Variants in ARMC9 observed in about 807,000 individuals in gnomAD.
ARMC9 encodes the protein armadillo repeat containing 9, also known as lisH domain-containing protein ARMC9.
Under a neutral mutation model 107.0 loss-of-function variants are expected in ARMC9, and 94 were observed. That is an observed-to-expected ratio of 0.88 (90% CI 0.74 to 1.04). The LOEUF is 1.04. ARMC9 is among the 50% of genes least tolerant of loss of function. The pLI is 0.00. For synonymous variants in ARMC9, 380 were observed against 396.9 expected (o/e 0.96, Z 0.51); for missense variants, 942 against 1,030.1 (o/e 0.91, Z 1.17).
rs201588911 is a variant in ARMC9 at position 231,218,757 on chromosome 2, G to GTTT, written c.504+1973_504+1975dup. ...GTATACATAATCAAGTCAGTCTTTT[G>GTTT]TTTTTTTTTTTGAGATGGAGTTTCA... On this transcript the variant is annotated intron_variant, in intron 5 of 24. Coordinates refer to ENST00000611582, the MANE Select transcript of ARMC9 (RefSeq NM_001352754.2). Among the ~76,000 whole-genome samples the GTTT allele has an allele frequency of 2.6e-3, 377 of 145,010 alleles. 4 individuals are homozygous for GTTT. Among genetic ancestry groups the GTTT allele is most frequent in the African/African-American group, 9.0e-3 (360 of 39,802 alleles).
At chr2:231,328,107 T>A (rs1195457576) in intron 19 of ARMC9, among the ~76,000 whole-genome samples, 1 of 152,214 alleles carries the variant, frequency 6.6e-6, no homozygotes, top group African/African-American at 2.4e-5. Flanking sequence ...CTAATAGGCA[T>A]GTAGTGATAT....
chr2:231,218,003 T>A (rs1295117032), intron 5 of ARMC9, among the ~76,000 whole-genome samples: 11 of 150,996 alleles, frequency 7.3e-5, no homozygotes, highest in African/African-American at 2.2e-4. Context: ...TGTTTGTTTT[T>A]TGGAGACAGA....
At chr2:231,219,770 T>C (rs1330197157) in intron 5 of ARMC9, among the ~76,000 whole-genome samples, 1 of 151,696 alleles carries the variant, frequency 6.6e-6, no homozygotes, top group African/African-American at 2.4e-5. Context: ...TATTATATTC[T>C]CCATGTCTTT....
chr2:231,366,870 A>G (rs866218583), intron 23 of ARMC9, among the ~76,000 whole-genome samples: 1 of 149,644 alleles, frequency 6.7e-6, no homozygotes. Context: ...TTTTTTTTTG[A>G]GACGGAGTCT....
At chr2:231,209,621 C>T (rs746497498) in intron 3 of ARMC9, among the ~76,000 whole-genome samples, 5 of 152,000 alleles carry the variant, frequency 3.3e-5, no homozygotes, top group African/African-American at 7.2e-5. Flanking sequence ...CTGCAACCCC[C>T]GCCTCCTGGG....
At position 231,216,628 on chromosome 2, in the gene ARMC9, C is replaced by A; in HGVS notation, c.349-10C>A. 1 of 1,611,782 alleles carries A rather than the reference C, an allele frequency of 6.2e-7. No homozygotes were observed. Among genetic ancestry groups the A allele is most frequent in the South Asian group, 1.1e-5 (1 of 90,718 alleles). ...TGGAGACCTCAAACAAGTGTTTTCC[C>A]TTCTTCTAGGACAAAGAGGAGCTGG... On this transcript the variant is annotated splice_polypyrimidine_tract_variant and intron_variant, in intron 4 of 24. Coordinates refer to ENST00000611582, the MANE Select transcript of ARMC9 (RefSeq NM_001352754.2).
intron 17 of ARMC9, among the ~76,000 whole-genome samples, chr2:231,285,143 A>T (rs1314794282): frequency 6.6e-6 from 1 of 152,016 alleles, no homozygotes; most frequent in Non-Finnish European, 1.5e-5. Flanking sequence ...GGTTGCAGTG[A>T]GCCAAGATCA....
intron 19 of ARMC9, among the ~76,000 whole-genome samples, chr2:231,317,558 T>C (rs1157302952): frequency 6.6e-6 from 1 of 151,894 alleles, no homozygotes; most frequent in Non-Finnish European, 1.5e-5. Context: ...ATTTGAGTAG[T>C]GTATAACCAT....
rs1457526760 is a variant in ARMC9 at position 231,372,492 on chromosome 2, C to T, written c.*957C>T. 7 of 152,310 alleles carry T rather than the reference C, an allele frequency of 4.6e-5. No homozygotes were observed. The highest frequency in any genetic ancestry group is 1.7e-4 in the African/African-American group (7 of 41,452). 9.4% of individuals were successfully genotyped at this position (152,310 alleles called of 1,614,324 possible). On this transcript the variant is annotated 3_prime_UTR_variant, in exon 25 of 25. Transcript: ENST00000611582. Reference sequence around the variant, plus strand: ...ACCAGGGAGCACCCTCTGCCTCCCTCCCTGCACTGGGACCATAAACATAAA... The same window carrying T: ...ACCAGGGAGCACCCTCTGCCTCCCTTCCTGCACTGGGACCATAAACATAAA...
At chr2:231,370,286 C>T (rs867947677) in intron 24 of ARMC9, among the ~76,000 whole-genome samples, 161 bp downstream of exon 24, 18 of 152,230 alleles carry the variant, frequency 1.2e-4, no homozygotes, top group African/African-American at 4.3e-4. Flanking sequence ...CAGGCCCCAG[C>T]AGGTGGCTTC....
rs946779645 is a variant in ARMC9, at chr2:231,202,398, C to T, written c.-42+3700C>T. Among the ~76,000 whole-genome samples, 3 of 150,100 alleles carry T rather than the reference C, an allele frequency of 2.0e-5. No individual in the cohort carries two copies. In the Admixed American group the frequency reaches 2.0e-4, roughly 10 times the overall value. On this transcript the variant is annotated intron_variant, in intron 1 of 24. Transcript: ENST00000611582. ...AGTGCCATGGCGTGATCCCGGCTCA[C>T]TACAGCCTTGACCTTCCTGGTTCAA...
intron 23 of ARMC9, among the ~76,000 whole-genome samples, chr2:231,361,605 A>G (rs945254964): frequency 5.3e-5 from 8 of 152,070 alleles, no homozygotes; most frequent in Admixed American, 4.6e-4. Context: ...GACCTTTCCA[A>G]TCTCGCCAGC....
At chr2:231,221,559 T>C (rs542874994) in intron 5 of ARMC9, among the ~76,000 whole-genome samples, 201 of 152,072 alleles carry the variant, frequency 1.3e-3, no homozygotes, top group African/African-American at 4.4e-3. Flanking sequence ...TCGGGCATGG[T>C]GGCTCATGCC....
intron 16 of ARMC9, among the ~76,000 whole-genome samples, chr2:231,281,333 C>G (rs2040202313): frequency 6.6e-6 from 1 of 152,036 alleles, no homozygotes; most frequent in Non-Finnish European, 1.5e-5. Context: ...GGTGAACTGC[C>G]AGAACCTGGC....
At chr2:231,200,026 A>C (rs985135619) in intron 1 of ARMC9, among the ~76,000 whole-genome samples, 2 of 152,156 alleles carry the variant, frequency 1.3e-5, no homozygotes, top group African/African-American at 4.8e-5. Context: ...AATGTTGAGT[A>C]ATAGGATACC....
intron 7 of ARMC9, among the ~76,000 whole-genome samples, chr2:231,228,673 T>C (rs2125345357): frequency 6.6e-6 from 1 of 152,350 alleles, no homozygotes; most frequent in African/African-American, 2.4e-5. Context: ...ATTCCTCTTC[T>C]TGATGGGAAG....
At chr2:231,241,184 G>A (rs1319846674) in intron 9 of ARMC9, among the ~76,000 whole-genome samples, 7 of 140,240 alleles carry the variant, frequency 5.0e-5, no homozygotes, top group Non-Finnish European at 7.5e-5. Flanking sequence ...GGGGACAAGA[G>A]CAAGACTTAG....
At chr2:231,198,814 A>C (rs112751070) in intron 1 of ARMC9, 116 bp downstream of exon 1, 3,260 of 152,248 alleles carry the variant, frequency 0.021, 124 homozygotes, top group African/African-American at 0.075. Flanking sequence ...CCGAGGAAAA[A>C]CCCGACGCGC....
intron 9 of ARMC9, chr2:231,256,024 A>T: frequency 1.4e-6 from 2 of 1,406,566 alleles, no homozygotes; most frequent in Non-Finnish European, 9.5e-7. Flanking sequence ...TGGGTGACAG[A>T]GCAAGACTCA....
Sources: allele counts gnomAD v4.1 joint callset (sites outside exome capture counted in the v4.1 genomes callset), GRCh38; gene constraint gnomAD v4.1.1; transcripts MANE v1.5; gene names NCBI Gene and HGNC (gene_info 2026-07-23, HGNC 2026-07-21).